LAMB4: variants seen among roughly 807,000 people sequenced by gnomAD.
LAMB4 encodes the protein laminin subunit beta 4.
A neutral mutation model predicts 199.2 loss-of-function variants in LAMB4; 196 were observed. The ratio of observed to expected loss-of-function variants is 0.98; its 90% CI spans 0.88 to 1.11. The LOEUF (loss-of-function observed/expected upper bound fraction) is 1.11. Ranked by LOEUF, LAMB4 falls within the 50% of genes least tolerant of loss-of-function variation. LAMB4 has a pLI of 0.00. For missense variants in LAMB4, 2,080 were observed against 2,171.2 expected (o/e 0.96, Z 0.83); for synonymous variants, 744 against 770.6 (o/e 0.97, Z 0.57).
At chr7:108,095,116 T>A in intron 12 of LAMB4, 112 bp downstream of exon 12, 1 of 717,086 alleles carries the variant, frequency 1.4e-6, no homozygotes, top group South Asian at 1.8e-5. Context: ...ACCACTGGAG[T>A]ATTAAAACAC....
intron 29 of LAMB4, among the ~76,000 whole-genome samples, chr7:108,041,130 C>A (rs2035407068): frequency 6.6e-6 from 1 of 152,062 alleles, no homozygotes; most frequent in African/African-American, 2.4e-5. Flanking sequence ...ATGGGGCCAA[C>A]AAGCATATGA....
At chr7:108,094,697 T>C (rs1483369461) in intron 12 of LAMB4, among the ~76,000 whole-genome samples, 1 of 152,170 alleles carries the variant, frequency 6.6e-6, no homozygotes, top group African/African-American at 2.4e-5. Flanking sequence ...ATATGTTTTA[T>C]TTTACTAATT....
Position 108,024,056 on chromosome 7 carries a change from C to A in LAMB4, c.5269G>T (p.Ala1757Ser). 6.2e-7 allele frequency: 1 copy of A among 1,609,198 alleles called. No individual in the cohort carries two copies. The highest frequency in any genetic ancestry group is 8.5e-7 in the Non-Finnish European group (1 of 1,178,488). The change falls in exon 34 of 34, where the codon GCT becomes TCT. Residue 1757 changes from alanine (A) to serine (S), a missense_variant. Physicochemically the swap from Ala to Ser is moderately conservative, Grantham distance 99. Coordinates refer to ENST00000388781, the MANE Select transcript of LAMB4 (RefSeq NM_007356.3). ...NEIVEQEKKY[A>S]RCYS ...AACTCTGCCTAGCTATAGCACCTAGCATATTTTTTTTCTTGTTCAACAATT... is the reference window on the plus strand; with the variant it reads ...AACTCTGCCTAGCTATAGCACCTAGAATATTTTTTTTCTTGTTCAACAATT...
At chr7:108,067,883 T>C (rs908077989) in intron 19 of LAMB4, 133 bp downstream of exon 19, 31 of 1,091,588 alleles carry the variant, frequency 2.8e-5, no homozygotes, top group Non-Finnish European at 4.1e-5. Flanking sequence ...ATATTTTATG[T>C]ACATAGATAG....
intron 33 of LAMB4, chr7:108,026,766 A>G (rs913980807): frequency 1.1e-4 from 41 of 360,622 alleles, no homozygotes; most frequent in South Asian, 2.3e-4. Flanking sequence ...TGTTGCTGCC[A>G]AGGGCTCCAT....
chr7:108,048,334 T>C (rs1041156812), intron 27 of LAMB4, among the ~76,000 whole-genome samples: 1 of 151,974 alleles, frequency 6.6e-6, no homozygotes, highest in East Asian at 1.9e-4. Flanking sequence ...CTGGCTAATT[T>C]TTTGTATTTT....
intron 14 of LAMB4, among the ~76,000 whole-genome samples, chr7:108,080,322 A>G (rs938910707): frequency 1.3e-5 from 2 of 152,198 alleles, no homozygotes; most frequent in African/African-American, 4.8e-5. Context: ...GACGGTCTCT[A>G]TACTGGATGT....
intron 2 of LAMB4, among the ~76,000 whole-genome samples, chr7:108,117,457 A>G (rs1418611363): frequency 2.0e-5 from 3 of 152,322 alleles, no homozygotes; most frequent in African/African-American, 7.2e-5. Flanking sequence ...TGAATAAAAC[A>G]AAGTGGAATC....
chr7:108,072,202 G>A (rs967510740), intron 17 of LAMB4, among the ~76,000 whole-genome samples: 10 of 152,042 alleles, frequency 6.6e-5, no homozygotes, highest in African/African-American at 4.8e-5. Context: ...AGTTTGAGTC[G>A]AGAGCCTAAC....
intron 10 of LAMB4, 108 bp downstream of exon 10, chr7:108,102,936 G>A: frequency 1.1e-6 from 1 of 869,574 alleles, no homozygotes; most frequent in Non-Finnish European, 1.7e-6. Flanking sequence ...TCCAAAATAG[G>A]GTAGTTTGGA....
chr7:108,118,506 C>T (rs926635711), intron 2 of LAMB4, among the ~76,000 whole-genome samples: 1 of 151,924 alleles, frequency 6.6e-6, no homozygotes, highest in African/African-American at 2.4e-5. Context: ...TTTTGAGGTG[C>T]AAATGCAACT....
intron 18 of LAMB4, 82 bp from the exon 19 acceptor site, chr7:108,068,241 T>C: frequency 7.0e-7 from 1 of 1,420,658 alleles, no homozygotes; most frequent in Non-Finnish European, 9.7e-7. Flanking sequence ...ATAGTTCACC[T>C]CTCTCTCATT....
intron 10 of LAMB4, among the ~76,000 whole-genome samples, chr7:108,102,399 A>C (rs1315639614): frequency 6.6e-6 from 1 of 152,228 alleles, no homozygotes; most frequent in African/African-American, 2.4e-5. Flanking sequence ...AAAGAGTGAA[A>C]AAAATCATGA....
At chr7:108,021,087 C>T (rs1235073385), downstream of LAMB4, among the ~76,000 whole-genome samples, 1 of 152,100 alleles carries the variant, frequency 6.6e-6, no homozygotes, top group Non-Finnish European at 1.5e-5. Context: ...ATCTGTGTTT[C>T]TCAATATGCT....
intron 32 of LAMB4, among the ~76,000 whole-genome samples, chr7:108,030,564 A>G (rs2034991737): frequency 6.6e-6 from 1 of 152,228 alleles, no homozygotes; most frequent in Non-Finnish European, 1.5e-5. Flanking sequence ...CCAGGATACT[A>G]CTAAGAATAA....
At chr7:108,087,682 C>G (rs749980182) in intron 14 of LAMB4, among the ~76,000 whole-genome samples, 2 of 152,156 alleles carry the variant, frequency 1.3e-5, no homozygotes, top group Non-Finnish European at 2.9e-5. Flanking sequence ...AACCCAGAGC[C>G]ATCAGTGTGT....
chr7:108,120,010 C>T (rs994785493), intron 2 of LAMB4, among the ~76,000 whole-genome samples: 3 of 152,080 alleles, frequency 2.0e-5, no homozygotes, highest in African/African-American at 7.2e-5. Context: ...CAAGCAAATC[C>T]CAGACTCTAA....
chr7:108,025,965 C>T (rs2034822979), intron 33 of LAMB4, among the ~76,000 whole-genome samples: 2 of 152,184 alleles, frequency 1.3e-5, no homozygotes, highest in South Asian at 4.1e-4. Context: ...ATGGACAGTG[C>T]TGATAAGTGG....
At chr7:108,068,818 C>G (rs542915641) in intron 18 of LAMB4, among the ~76,000 whole-genome samples, 3 of 152,056 alleles carry the variant, frequency 2.0e-5, no homozygotes, top group Admixed American at 2.0e-4. Flanking sequence ...CTCAGCCTCC[C>G]GAGTAGCTGG....
Sources: gnomAD v4.1 joint callset for allele counts (sites outside exome capture counted in the v4.1 genomes callset) on GRCh38, gnomAD v4.1.1 for gene constraint, MANE v1.5 for transcripts, NCBI Gene and HGNC (gene_info 2026-07-23, HGNC 2026-07-21) for gene names.